Variants in HIF3A observed in about 807,000 individuals in gnomAD.
The protein encoded by HIF3A is hypoxia-inducible factor 3-alpha.
Under a neutral mutation model 67.2 loss-of-function variants are expected in HIF3A, and 41 were observed. The ratio of observed to expected loss-of-function variants is 0.61; its 90% CI spans 0.48 to 0.79. The LOEUF (loss-of-function observed/expected upper bound fraction) is 0.79. Ranked by LOEUF, HIF3A falls within the 30% of genes least tolerant of loss-of-function variation. The pLI is 0.00. For synonymous variants in HIF3A, 356 were observed against 374.8 expected, an observed-to-expected ratio of 0.95 and a Z score of 0.58; for missense variants, 855 against 898.0, an observed-to-expected ratio of 0.95 and a Z score of 0.61.
intron 1 of HIF3A, among the ~76,000 whole-genome samples, chr19:46,299,691 C>T (rs900374741): frequency 7.3e-6 from 1 of 136,422 alleles, no homozygotes; most frequent in Admixed American, 8.1e-5. Flanking sequence ...GCCTGGACAA[C>T]ACAGCCGGAC....
In HIF3A at chr19:46,313,870, C is replaced by T. The variant is rs572746987; in HGVS notation, c.1025+1217C>T. Among the ~76,000 whole-genome samples the T allele has an allele frequency of 7.3e-5, 11 of 151,346 alleles. No homozygotes were observed. In the South Asian group the frequency reaches 1.3e-3, roughly 17 times the overall value. ...AGAGAAGGAGTTTCACCAGGTTGGC[C>T]GGTCTGGTCTCGAACTCCTGACCTC... On this transcript the variant is annotated intron_variant, in intron 8 of 14. Transcript: ENST00000377670.
In HIF3A at chr19:46,329,377, C is replaced by T. The variant is rs146793640; in HGVS notation, c.1611C>T (p.Pro537=). 31 of 1,612,270 alleles carry T rather than the reference C, an allele frequency of 1.9e-5. No homozygotes were observed. The African/African-American group carries it at 3.9e-4, about 20-fold the overall frequency. The part of the protein sequence containing the change: ...FHGLSPPALE[P]SLLPRWGSDP... ...GCCTGTCACCTCCAGCCCTTGAGCC[C>T]TCCCTGCTACCCCGCTGGGGGAGTG... is the stretch of plus-strand genomic sequence containing the variant. The change falls in exon 12 of 15, where the codon CCC becomes CCT. Residue 537 remains proline, a synonymous_variant. Coordinates refer to ENST00000377670, the MANE Select transcript of HIF3A (RefSeq NM_152795.4).
At chr19:46,328,611 CA>C (rs1944856611) in intron 11 of HIF3A, among the ~76,000 whole-genome samples, 1 of 152,176 alleles carries the variant, frequency 6.6e-6, no homozygotes, top group Non-Finnish European at 1.5e-5. Context: ...CACTACAGGA[CA>C]AAAATTCTCT....
chr19:46,305,965 G>C (rs1968812034), intron 3 of HIF3A, among the ~76,000 whole-genome samples: 1 of 152,158 alleles, frequency 6.6e-6, no homozygotes, highest in African/African-American at 2.4e-5. Context: ...TGTGGTCCCA[G>C]CTACTTGGGA....
At chr19:46,314,900 A>C in intron 8 of HIF3A, among the ~76,000 whole-genome samples, 1 of 145,002 alleles carries the variant, frequency 6.9e-6, no homozygotes, top group Non-Finnish European at 1.5e-5. Context: ...CTTGTAGTAA[A>C]CCCCTCCCAC....
At chr19:46,316,802 C>CAAAAAAAA (rs35910734) in intron 8 of HIF3A, among the ~76,000 whole-genome samples, 1 of 120,538 alleles carries the variant, frequency 8.3e-6, no homozygotes, top group Non-Finnish European at 1.7e-5. Flanking sequence ...GACTCCATCT[C>CAAAAAAAA]AAAAAAAAAA....
In HIF3A at chr19:46,334,899, CCA is replaced by C. The variant is rs1971496099; in HGVS notation, c.1831-3_1831-2del. On this transcript the variant is annotated splice_region_variant and splice_polypyrimidine_tract_variant and intron_variant, in intron 13 of 14. Transcript: ENST00000377670. ...TGATGGTGGTGGCTTTGTCTCTCTC[CCA>C]CAGAGTTTCCTTCTGACAGGAGGAC... The C allele has an allele frequency of 6.2e-7, 1 of 1,606,840 alleles. No individual in the cohort carries two copies. The highest frequency in any genetic ancestry group is 8.5e-7 in the Non-Finnish European group (1 of 1,176,354).
rs138379850 is a variant in HIF3A at position 46,332,939 on chromosome 19, G to A, written c.1830+1666G>A. Among the ~76,000 whole-genome samples, 560 of 150,122 alleles carry A rather than the reference G, an allele frequency of 3.7e-3. 2 individuals carry two copies. The highest frequency in any genetic ancestry group is 0.013 in the African/African-American group (538 of 40,704). ...AGAGGTTGCAGTGAGCCGAGATCGC[G>A]CCATTGCACTCCTGCCTGGAGGACA... On this transcript the variant is annotated intron_variant, in intron 13 of 14. Transcript: ENST00000377670.
At chr19:46,312,292 CGAAGCCA>C in intron 7 of HIF3A, 25 bp downstream of exon 7, 3 of 1,613,844 alleles carry the variant, frequency 1.9e-6, no homozygotes, top group Non-Finnish European at 2.5e-6. Context: ...TCCCCAGGTG[CGAAGCCA>C]GCTGCCACAT....
intron 12 of HIF3A, among the ~76,000 whole-genome samples, chr19:46,330,389 T>G (rs1320204409): frequency 2.0e-5 from 3 of 152,030 alleles, no homozygotes; most frequent in African/African-American, 7.3e-5. Flanking sequence ...GAATGATGGA[T>G]GTCTGGGTAG....
intron 3 of HIF3A, among the ~76,000 whole-genome samples, chr19:46,307,959 T>TAGACAGAC (rs750066520): frequency 5.7e-5 from 6 of 105,778 alleles, no homozygotes; most frequent in South Asian, 3.9e-4. Context: ...GACAGATAGG[T>TAGACAGAC]AGACAGACAG....
At chr19:46,332,134 C>T (rs1047315758) in intron 13 of HIF3A, among the ~76,000 whole-genome samples, 18 of 152,276 alleles carry the variant, frequency 1.2e-4, no homozygotes, top group Non-Finnish European at 2.1e-4. Flanking sequence ...TCAGTTGCCT[C>T]ATCCAGAAAG....
At chr19:46,313,315 G>A in intron 8 of HIF3A, 1 of 983,226 alleles carries the variant, frequency 1.0e-6, no homozygotes, top group Non-Finnish European at 1.2e-6. Context: ...AAGTGTAACA[G>A]AATCATGGGG....
At position 46,309,254 on chromosome 19, in the gene HIF3A, T is replaced by C. The variant is rs1969208082; in HGVS notation, c.665T>C (p.Ile222Thr). 6.2e-7 allele frequency: 1 copy of C among 1,613,844 alleles called. No homozygotes were observed. Among genetic ancestry groups the C allele is most frequent in the Admixed American group, 1.7e-5 (1 of 59,978 alleles). Residue 222 changes from isoleucine (I) to threonine (T), a missense_variant, in exon 6 of 15, where the codon ATC (isoleucine) becomes ACC (threonine). Ile to Thr is a moderately conservative substitution (Grantham distance 89, BLOSUM62 -1). Coordinates refer to ENST00000377670, the MANE Select transcript of HIF3A (RefSeq NM_152795.4). ...CCCCCGCTGCAGTGCCTGGTGCTCATCTGCGAAGCCATCCCCCACCCAGGC... is the reference window on the plus strand; with the variant it reads ...CCCCCGCTGCAGTGCCTGGTGCTCACCTGCGAAGCCATCCCCCACCCAGGC... ...SEPPLQCLVL[I>T]CEAIPHPGSL...
chr19:46,321,612 C>A (rs1970369533), intron 9 of HIF3A, among the ~76,000 whole-genome samples, 164 bp from the exon 10 acceptor site: 1 of 151,954 alleles, frequency 6.6e-6, no homozygotes, highest in Non-Finnish European at 1.5e-5. Context: ...CACACCTGGC[C>A]CAGCAGGGGT....
chr19:46,320,493 A>G lies in HIF3A; in HGVS notation c.1076A>G (p.His359Arg), dbSNP rs780748142. The change falls in exon 9 of 15, where the codon CAC becomes CGC. Residue 359 changes from histidine to arginine, a missense_variant. Transcript: ENST00000377670. ...CTGTCCCTGGAGCAAACGGAGCAAC[A>G]CTCTCGCAGACCCATTCAGCGGGGC... is the stretch of plus-strand genomic sequence containing the variant. ...VVLSLEQTEQ[H>R]SRRPIQRGAP... 6.2e-7 allele frequency: 1 copy of G among 1,613,860 alleles called. No individual in the cohort carries two copies. The highest frequency in any genetic ancestry group is 1.3e-5 in the African/African-American group (1 of 74,922).
chr19:46,327,145 C>T (rs896227368), intron 11 of HIF3A, among the ~76,000 whole-genome samples: 4 of 151,434 alleles, frequency 2.6e-5, no homozygotes, highest in South Asian at 4.2e-4. Flanking sequence ...CAGAGCTAGA[C>T]TTTTGTCCCA....
Position 46,329,240 on chromosome 19 carries a change from C to T in HIF3A, c.1474C>T (p.Pro492Ser). The T allele has an allele frequency of 6.2e-7, 1 of 1,611,902 alleles. No homozygotes were observed. The highest frequency in any genetic ancestry group is 8.5e-7 in the Non-Finnish European group (1 of 1,179,090). The change falls in exon 12 of 15, where the codon CCC becomes TCC. Residue 492 changes from proline (P) to serine (S), a missense_variant. Physicochemically the swap from Pro to Ser is moderately conservative, Grantham distance 74. Around this residue, in one of 3 missense-constraint regions of HIF3A, gnomAD observed 18 missense variants for 43.7 expected, o/e 0.41. Transcript: ENST00000377670. ...TGCTCTGGATTTGGAGATGCTGGCCCCCTACATCTCCATGGATGATGACTT... is the reference window on the plus strand; with the variant it reads ...TGCTCTGGATTTGGAGATGCTGGCCTCCTACATCTCCATGGATGATGACTT... ...ADALDLEMLA[P>S]YISMDDDFQL...
At chr19:46,324,041 G>C (rs1970581659) in intron 10 of HIF3A, among the ~76,000 whole-genome samples, 1 of 152,140 alleles carries the variant, frequency 6.6e-6, no homozygotes, top group Non-Finnish European at 1.5e-5. Context: ...TCCCACTCCA[G>C]CTTGTGACTA....
Sources: allele counts gnomAD v4.1 joint callset (sites outside exome capture counted in the v4.1 genomes callset), GRCh38; gene constraint gnomAD v4.1.1; regional missense constraint gnomAD v4.1.1; transcripts MANE v1.5; gene names NCBI Gene and HGNC (gene_info 2026-07-23, HGNC 2026-07-21).